KIAA0825: variants seen among roughly 807,000 people sequenced by gnomAD.
KIAA0825 encodes the protein uncharacterized protein KIAA0825.
A neutral mutation model predicts 147.6 loss-of-function variants in KIAA0825; 119 were observed. The observed-to-expected ratio is 0.81, with a 90% CI of 0.69 to 0.94. KIAA0825 has a LOEUF of 0.94. Ranked by LOEUF, KIAA0825 falls within the 40% of genes least tolerant of loss-of-function variation. KIAA0825 has a pLI of 0.00. For missense variants in KIAA0825, 1,381 were observed against 1,472.7 expected (o/e 0.94, Z 1.02); for synonymous variants, 470 against 518.1 (o/e 0.91, Z 1.26).
rs957674140 is a variant in KIAA0825, at chr5:94,411,252, C to T, written c.2662+5949G>A. On this transcript the variant is annotated intron_variant, in intron 15 of 20. Coordinates refer to ENST00000682413, the MANE Select transcript of KIAA0825 (RefSeq NM_001145678.3). ...AGGTAAAATGGAATACTGACAAATA[C>T]TCAACTCATCCAAAAGAGGGCCAAA... Among the ~76,000 whole-genome samples the T allele has an allele frequency of 2.0e-5, 3 of 152,018 alleles. No individual in the cohort carries two copies. In the East Asian group the frequency reaches 5.8e-4, roughly 29 times the overall value.
chr5:94,358,617 A>C (rs1270716407), intron 20 of KIAA0825, among the ~76,000 whole-genome samples: 1 of 144,480 alleles, frequency 6.9e-6, no homozygotes, highest in Non-Finnish European at 1.6e-5. Context: ...CGGCAGAAAG[A>C]ATCACAAAAC....
chr5:94,185,770 G>A (rs575786301), intron 20 of KIAA0825, among the ~76,000 whole-genome samples: 59 of 152,086 alleles, frequency 3.9e-4, no homozygotes, highest in African/African-American at 1.4e-3. Context: ...CAAGATATTG[G>A]CACAGAAAAA....
intron 20 of KIAA0825, among the ~76,000 whole-genome samples, chr5:94,273,864 G>A (rs1240518888): frequency 2.0e-5 from 3 of 152,058 alleles, no homozygotes; most frequent in African/African-American, 7.2e-5. Flanking sequence ...GAAAATGAGA[G>A]TTAAAAAGAG....
Position 94,526,693 on chromosome 5 carries a change from T to C in KIAA0825, c.132-2595A>G, listed in dbSNP as rs146064371. On this transcript the variant is annotated intron_variant, in intron 3 of 20. Transcript: ENST00000682413. ...CTCCTAGATTCCCTGACTGTAAAAA[T>C]TGCTTATTGAATGAAGGCATTATAT... 8.5e-5 allele frequency among the ~76,000 whole-genome samples: 13 copies of C among 152,138 alleles called. No homozygotes were observed. The East Asian group carries it at 2.3e-3, about 27-fold the overall frequency.
In KIAA0825 at chr5:94,484,934, TGAAAA is replaced by T. The variant is rs1762874724; in HGVS notation, c.971-9_971-5del. On this transcript the variant is annotated splice_polypyrimidine_tract_variant and splice_region_variant and intron_variant, in intron 5 of 20. Transcript: ENST00000682413. ...TTCTGTGGGCATTCAGTAGTAACTG[TGAAAA>T]GAAAAGATCAATACTGTCATACATT... 2.7e-6 allele frequency: 4 copies of T among 1,476,728 alleles called. No homozygotes were observed. The highest frequency in any genetic ancestry group is 3.6e-6 in the Non-Finnish European group (4 of 1,100,914). The allele number at this position is 1,476,728 out of a possible 1,614,324, so 91.5% of individuals were successfully genotyped here. A position where few individuals can be genotyped will look rare whatever the true frequency, so the allele number is the denominator to read the frequency against.
At chr5:94,542,559 C>G (rs1161188379) in intron 2 of KIAA0825, among the ~76,000 whole-genome samples, 1 of 152,158 alleles carries the variant, frequency 6.6e-6, no homozygotes, top group East Asian at 1.9e-4. Flanking sequence ...GTAGTCCCAG[C>G]ACTTTGGGAG....
intron 20 of KIAA0825, among the ~76,000 whole-genome samples, chr5:94,162,052 T>C (rs959706016): frequency 1.3e-5 from 2 of 152,228 alleles, no homozygotes; most frequent in African/African-American, 4.8e-5. Flanking sequence ...CTTCTGTTCT[T>C]GATTCAGCCT....
intron 20 of KIAA0825, among the ~76,000 whole-genome samples, chr5:94,181,926 A>G (rs888738626): frequency 3.3e-5 from 5 of 152,190 alleles, no homozygotes; most frequent in African/African-American, 1.2e-4. Context: ...CCTTCTGGAC[A>G]CCAGCTGCAG....
At position 94,470,085 on chromosome 5, in the gene KIAA0825, C is replaced by T. The variant is rs745869321; in HGVS notation, c.1748G>A (p.Arg583Gln). The T allele has an allele frequency of 9.0e-6, 14 of 1,551,374 alleles. 1 individual carries two copies. Among genetic ancestry groups the T allele is most frequent in the South Asian group, 3.6e-5 (3 of 84,020 alleles). ...KKPIFLVLVQ[R>Q]YQEFINTLQF... ...TAGAGTGTTGATGAATTCCTGATATCGTTGGACAAGCACCAGGAATATGGG... is the reference window on the plus strand; with the variant it reads ...TAGAGTGTTGATGAATTCCTGATATTGTTGGACAAGCACCAGGAATATGGG... The change falls in exon 10 of 21, where the codon CGA (arginine) becomes CAA (glutamine). Residue 583 changes from arginine to glutamine, a missense_variant. By Grantham distance (43) the Arg-to-Gln change is conservative (BLOSUM62 1). Transcript: ENST00000682413.
At chr5:94,168,844 T>C (rs945114072) in intron 20 of KIAA0825, among the ~76,000 whole-genome samples, 9 of 152,230 alleles carry the variant, frequency 5.9e-5, no homozygotes, top group African/African-American at 2.2e-4. Context: ...TTAAACTTGA[T>C]ATATCTGGAA....
chr5:94,510,842 T>C (rs1766374456), intron 5 of KIAA0825, among the ~76,000 whole-genome samples: 1 of 152,378 alleles, frequency 6.6e-6, no homozygotes, highest in East Asian at 1.9e-4. Context: ...TATAAATGTC[T>C]GTGCAGAGAA....
chr5:94,569,405 G>A (rs1009669766), intron 2 of KIAA0825: 1 of 396,770 alleles, frequency 2.5e-6, no homozygotes, highest in African/African-American at 2.1e-5. Context: ...AGAAGGCTTA[G>A]AAGAAAACCC....
intron 20 of KIAA0825, among the ~76,000 whole-genome samples, chr5:94,226,593 A>G (rs944919892): frequency 2.6e-5 from 4 of 152,196 alleles, no homozygotes; most frequent in Admixed American, 6.5e-5. Context: ...ACTATTCACA[A>G]TATCAAAGAC....
rs74918821 is a variant in KIAA0825, at chr5:94,602,667, T to C, written c.-153+15833A>G. 5.1e-3 allele frequency among the ~76,000 whole-genome samples: 773 copies of C among 152,284 alleles called. 8 individuals carry two copies. The highest frequency in any genetic ancestry group is 0.017 in the African/African-American group (726 of 41,554). On this transcript the variant is annotated intron_variant, in intron 1 of 20. Coordinates refer to ENST00000682413, the MANE Select transcript of KIAA0825 (RefSeq NM_001145678.3). ...TGGCTCTCATCTCTCTCCTGCTGCC[T>C]TGTGAAAGAGGAAGTGTTTGCTTCA...
rs1584872488 is a variant in KIAA0825 at position 94,553,803 on chromosome 5, A to T, written c.-1-16676T>A. 3.9e-5 allele frequency among the ~76,000 whole-genome samples: 6 copies of T among 152,016 alleles called. No homozygotes were observed. The South Asian group carries it at 1.2e-3, about 32-fold the overall frequency. On this transcript the variant is annotated intron_variant, in intron 2 of 20. Transcript: ENST00000682413. ...AAAAAAAAAACAAAAAGAAAAAAAA[A>T]TTTAAAAATGAGGCAGGTAGATTAG...
intron 2 of KIAA0825, among the ~76,000 whole-genome samples, chr5:94,561,356 T>C (rs10214266): frequency 0.38 from 57,068 of 152,100 alleles, 11,481 homozygotes; most frequent in Non-Finnish European, 0.47. Flanking sequence ...CTAATAAAAC[T>C]GTATGTATAC....
chr5:94,281,073 T>C (rs1777438485), intron 20 of KIAA0825, among the ~76,000 whole-genome samples: 1 of 152,070 alleles, frequency 6.6e-6, no homozygotes, highest in Non-Finnish European at 1.5e-5. Flanking sequence ...GATTTGTAAA[T>C]TGACTTAAAA....
intron 2 of KIAA0825, among the ~76,000 whole-genome samples, chr5:94,558,964 T>G (rs2152284092): frequency 6.6e-6 from 1 of 152,324 alleles, no homozygotes; most frequent in South Asian, 2.1e-4. Flanking sequence ...TCCATCATAC[T>G]TCTGCATGAC....
chr5:94,448,179 T>G (rs1378155980), intron 13 of KIAA0825, among the ~76,000 whole-genome samples: 1 of 150,996 alleles, frequency 6.6e-6, no homozygotes, highest in Non-Finnish European at 1.5e-5. Flanking sequence ...TGAAACTGAT[T>G]ATCCTTTCTA....
Sources: allele counts gnomAD v4.1 joint callset (sites outside exome capture counted in the v4.1 genomes callset), GRCh38; gene constraint gnomAD v4.1.1; transcripts MANE v1.5; gene names NCBI Gene and HGNC (gene_info 2026-07-23, HGNC 2026-07-21).